The following VPS53 variants were observed in gnomAD, a reference collection of about 807,000 sequenced individuals.
The protein encoded by VPS53 is vacuolar protein sorting-associated protein 53 homolog.
In VPS53, 70 loss-of-function variants were observed where a neutral mutation model predicts 107.0. That is an observed-to-expected ratio of 0.65 (90% CI 0.54 to 0.80). The LOEUF (loss-of-function observed/expected upper bound fraction) is 0.80, where lower values mean the gene tolerates loss of function less well. VPS53 is among the 30% of genes least tolerant of loss of function. The probability of loss-of-function intolerance (pLI) is 0.00; values close to 1 mark genes in which losing one functional copy is unlikely to be tolerated. For synonymous variants in VPS53, 409 were observed against 393.3 expected, an observed-to-expected ratio of 1.04 and a Z score of -0.47; for missense variants, 917 against 1,049.4, an observed-to-expected ratio of 0.87 and a Z score of 1.74.
rs1969748938 is a variant in VPS53, at chr17:627,213, A to G, written c.935T>C (p.Met312Thr). The G allele has an allele frequency of 6.2e-7, 1 of 1,613,966 alleles. No individual in the cohort carries two copies. Among genetic ancestry groups the G allele is most frequent in the African/African-American group, 1.3e-5 (1 of 74,918 alleles). ...YGRMFPREWC[M>T]AERIAVEFCH... ...AAATTCCACCGCAATCCTCTCAGCCATGCACCACTCACGTGGAAACATGCG... is the reference window on the plus strand; with the variant it reads ...AAATTCCACCGCAATCCTCTCAGCCGTGCACCACTCACGTGGAAACATGCG... Residue 312 changes from methionine (M) to threonine (T), a missense_variant, in exon 10 of 22, where the codon ATG becomes ACG. By Grantham distance (81) the Met-to-Thr change is moderately conservative (BLOSUM62 -1). Coordinates refer to ENST00000437048, the MANE Select transcript of VPS53 (RefSeq NM_001128159.3).
chr17:665,573 G>A (rs1410701204), intron 4 of VPS53, among the ~76,000 whole-genome samples: 1 of 152,324 alleles, frequency 6.6e-6, no homozygotes, highest in East Asian at 1.9e-4. Flanking sequence ...TGAAGTGAAG[G>A]CTGGAAAAAG....
intron 17 of VPS53, chr17:551,665 G>A (rs1911832446): frequency 5.4e-6 from 2 of 373,082 alleles, no homozygotes; most frequent in Admixed American, 4.4e-5. Context: ...ATACTGTGAT[G>A]CTCTGTCTCA....
chr17:683,382 AAAC>A (rs1972472756), intron 4 of VPS53, among the ~76,000 whole-genome samples: 1 of 152,204 alleles, frequency 6.6e-6, no homozygotes. Context: ...AAAAAAAATA[AAAC>A]AACAAAACTG....
intron 4 of VPS53, among the ~76,000 whole-genome samples, chr17:675,943 C>T (rs1477223184): frequency 1.3e-5 from 2 of 151,930 alleles, no homozygotes; most frequent in African/African-American, 4.8e-5. Flanking sequence ...TCAGAGTCTA[C>T]GATGCAATAC....
At chr17:662,423 C>T (rs976302400) in intron 4 of VPS53, among the ~76,000 whole-genome samples, 23 of 152,336 alleles carry the variant, frequency 1.5e-4, no homozygotes, top group Admixed American at 1.3e-3. Context: ...GACACAGTGG[C>T]TCACGCCTGT....
At position 510,769 on chromosome 17, in the gene VPS53, T is replaced by G. The variant is rs1025418534; in HGVS notation, c.*8359A>C. 1.5e-4 allele frequency: 23 copies of G among 152,748 alleles called. No homozygotes were observed. Among genetic ancestry groups the G allele is most frequent in the African/African-American group, 5.5e-4 (23 of 41,474 alleles). 9.5% of individuals were successfully genotyped at this position (152,748 alleles called of 1,614,324 possible). A position where few individuals can be genotyped will look rare whatever the true frequency, so the allele number is the denominator to read the frequency against. ...TACCACATGCAGGCCACACAGCAGC[T>G]GGACTGTGCAGCCAGGGCCCAGGGC... On this transcript the variant is annotated 3_prime_UTR_variant, in exon 22 of 22. Transcript: ENST00000437048.
chr17:638,500 C>A (rs535307615), intron 7 of VPS53, among the ~76,000 whole-genome samples: 1 of 152,354 alleles, frequency 6.6e-6, no homozygotes, highest in East Asian at 1.9e-4. Flanking sequence ...GATGCAGTTT[C>A]TTCCTAGCAT....
rs1907790087 is a variant in VPS53, at chr17:509,374, A to G, written c.*9754T>C. ...CATATTGAATCCTGGCTCACCCCTC[A>G]CTAGTCACATGTCAAATCCTGGCTC... On this transcript the variant is annotated 3_prime_UTR_variant, in exon 22 of 22. Coordinates refer to ENST00000437048, the MANE Select transcript of VPS53 (RefSeq NM_001128159.3). 6.3e-6 allele frequency: 1 copy of G among 158,990 alleles called. No homozygotes were observed. The highest frequency in any genetic ancestry group is 2.5e-5 in the African/African-American group (1 of 39,440). The allele number at this position is 158,990 out of a possible 1,614,324, so 9.8% of individuals were successfully genotyped here. A position where few individuals can be genotyped will look rare whatever the true frequency, so the allele number is the denominator to read the frequency against.
rs868548726 is a variant in VPS53 at position 524,234 on chromosome 17, C to T, written c.2086-2496G>A. Among the ~76,000 whole-genome samples the T allele has an allele frequency of 4.0e-5, 6 of 151,378 alleles. No homozygotes were observed. The highest frequency in any genetic ancestry group is 5.9e-5 in the Non-Finnish European group (4 of 67,928). Reference sequence around the variant, plus strand: ...GAATTGCTTGAACCTGGGAGGTTTGCGCTACAGCCTGGGTGACAGAACAAG... The same window carrying T: ...GAATTGCTTGAACCTGGGAGGTTTGTGCTACAGCCTGGGTGACAGAACAAG... On this transcript the variant is annotated intron_variant, in intron 19 of 21. Coordinates refer to ENST00000437048, the MANE Select transcript of VPS53 (RefSeq NM_001128159.3). The surrounding 1 kb of genome is among the most constrained non-coding windows in gnomAD (Gnocchi z 4.5).
At chr17:657,378 A>G (rs984152019) in intron 5 of VPS53, 1 of 786,646 alleles carries the variant, frequency 1.3e-6, no homozygotes, top group Admixed American at 1.8e-5. Context: ...GAACCGCTGC[A>G]TGCAAATCTT....
At chr17:620,613 T>C (rs1449876788) in intron 11 of VPS53, among the ~76,000 whole-genome samples, 1 of 152,026 alleles carries the variant, frequency 6.6e-6, no homozygotes, top group Admixed American at 6.6e-5. Flanking sequence ...GCACCTAATA[T>C]AGCGTGGGTC....
intron 18 of VPS53, among the ~76,000 whole-genome samples, chr17:535,409 G>C (rs12945309): frequency 1.1e-4 from 14 of 130,928 alleles, no homozygotes; most frequent in Non-Finnish European, 2.1e-4. Context: ...CTAAGTCAAC[G>C]GACTCCTCCT....
rs11649837 is a variant in VPS53 at position 510,763 on chromosome 17, A to G, written c.*8365T>C. 139,352 of 152,706 alleles carry G rather than the reference A, an allele frequency of 0.91. 63,806 individuals are homozygous for G. Among genetic ancestry groups the G allele is most frequent in the East Asian group, 1 (5,200 of 5,206 alleles). 9.5% of individuals were successfully genotyped at this position (152,706 alleles called of 1,614,324 possible). A position where few individuals can be genotyped will look rare whatever the true frequency, so the allele number is the denominator to read the frequency against. On this transcript the variant is annotated 3_prime_UTR_variant, in exon 22 of 22. Transcript: ENST00000437048. ...CTAAGATACCACATGCAGGCCACAC[A>G]GCAGCTGGACTGTGCAGCCAGGGCC... is the stretch of plus-strand genomic sequence containing the variant.
chr17:520,312 C>T lies in VPS53; in HGVS notation c.2224-382G>A, dbSNP rs376282114. Among the ~76,000 whole-genome samples, 32 of 152,106 alleles carry T rather than the reference C, an allele frequency of 2.1e-4. No homozygotes were observed. Among genetic ancestry groups the T allele is most frequent in the Admixed American group, 3.3e-4 (5 of 15,266 alleles). ...TGACTTTTAAACTATCAGGACCATC[C>T]GGGAAACCCTGCGTGAGAGGGTCTC... On this transcript the variant is annotated intron_variant, in intron 20 of 21. Transcript: ENST00000437048. The surrounding 1 kb of genome is among the most constrained non-coding windows in gnomAD (Gnocchi z 4.4).
intron 12 of VPS53, among the ~76,000 whole-genome samples, chr17:587,017 C>T (rs1252991108): frequency 6.6e-6 from 1 of 151,878 alleles, no homozygotes; most frequent in Non-Finnish European, 1.5e-5. Flanking sequence ...TATTTTGCTA[C>T]TTTCTATTCT....
intron 7 of VPS53, among the ~76,000 whole-genome samples, chr17:636,324 G>A (rs552227309): frequency 4.6e-5 from 7 of 152,170 alleles, no homozygotes; most frequent in Admixed American, 1.3e-4. Flanking sequence ...GGGCTGAAAC[G>A]ATGGGGTTTT....
At chr17:535,740 C>T (rs149805266) in intron 18 of VPS53, among the ~76,000 whole-genome samples, 9 of 152,190 alleles carry the variant, frequency 5.9e-5, no homozygotes, top group African/African-American at 1.7e-4. Flanking sequence ...GAGGGAATTT[C>T]ACCTCCTGGT....
intron 4 of VPS53, among the ~76,000 whole-genome samples, chr17:681,161 G>A (rs1015550762): frequency 2.0e-5 from 3 of 152,122 alleles, no homozygotes; most frequent in Non-Finnish European, 4.4e-5. Flanking sequence ...TTTTGAGAGG[G>A]AATATTGCTC....
intron 12 of VPS53, among the ~76,000 whole-genome samples, chr17:589,781 CT>C (rs1366090986): frequency 5.9e-5 from 9 of 152,140 alleles, no homozygotes; most frequent in African/African-American, 2.2e-4. Flanking sequence ...TTACTGTAGC[CT>C]TGTAGTATAG....
Sources: gnomAD v4.1 joint callset for allele counts (sites outside exome capture counted in the v4.1 genomes callset) on GRCh38, gnomAD v4.1.1 for gene constraint, Gnocchi (gnomAD v3.1) non-coding constraint, MANE v1.5 for transcripts, NCBI Gene and HGNC (gene_info 2026-07-23, HGNC 2026-07-21) for gene names.